Variants in UBE2QL1 observed in about 807,000 individuals in gnomAD.
UBE2QL1 encodes the protein ubiquitin-conjugating enzyme E2Q-like protein 1.
A neutral mutation model predicts 12.6 loss-of-function variants in UBE2QL1; 5 were observed. The ratio of observed to expected loss-of-function variants is 0.40; its 90% CI spans 0.21 to 0.83. UBE2QL1 has a LOEUF of 0.83. Among genes scored for constraint, UBE2QL1 ranks in the 40% least tolerant of loss-of-function variants. The pLI is 0.37. For missense variants in UBE2QL1, 99 were observed against 222.6 expected, an observed-to-expected ratio of 0.44 and a Z score of 3.53; for synonymous variants, 96 against 94.5, an observed-to-expected ratio of 1.02 and a Z score of -0.10.
chr5:6,487,856 G>C (rs567879196), intron 1 of UBE2QL1, among the ~76,000 whole-genome samples: 55 of 152,342 alleles, frequency 3.6e-4, no homozygotes, highest in Non-Finnish European at 6.3e-4. Context: ...CAGCAAGCAG[G>C]GAACACGGGA....
Position 6,481,959 on chromosome 5 carries a change from C to G in UBE2QL1, c.355-9259C>G, listed in dbSNP as rs75616436. ...CCCCAAAATAGTTGAAGTCCTACCC[C>G]CTGTGGCTGTGAATGTGACCTTATT... On this transcript the variant is annotated intron_variant, in intron 1 of 1. Coordinates refer to ENST00000399816, the MANE Select transcript of UBE2QL1 (RefSeq NM_001145161.3). The surrounding 1 kb of genome is among the most constrained non-coding windows in gnomAD (Gnocchi z 4.5). Among the ~76,000 whole-genome samples the G allele has an allele frequency of 6.6e-6, 1 of 152,206 alleles. No individual in the cohort carries two copies. The highest frequency in any genetic ancestry group is 1.5e-5 in the Non-Finnish European group (1 of 68,036).
rs1347635614 is a variant in UBE2QL1 at position 6,492,372 on chromosome 5, C to T, written c.*1023C>T. The T allele has an allele frequency of 3.3e-5, 5 of 152,282 alleles. No individual in the cohort carries two copies. Among genetic ancestry groups the T allele is most frequent in the Admixed American group, 6.5e-5 (1 of 15,294 alleles). The allele number at this position is 152,282 out of a possible 1,614,324, so 9.4% of individuals were successfully genotyped here. On this transcript the variant is annotated 3_prime_UTR_variant, in exon 2 of 2. Coordinates refer to ENST00000399816, the MANE Select transcript of UBE2QL1 (RefSeq NM_001145161.3). ...ACCCAATAGTCACTTGTGTGTCCCC[C>T]GAAATTGGGATGGGTGAGCACCCTT...
intron 1 of UBE2QL1, among the ~76,000 whole-genome samples, chr5:6,467,196 C>T (rs1253005174): frequency 6.6e-6 from 1 of 152,122 alleles, no homozygotes; most frequent in East Asian, 1.9e-4. Flanking sequence ...CTCTCCCTCC[C>T]TCTCCTCCCC....
At chr5:6,482,321 C>T (rs1460665481) in intron 1 of UBE2QL1, among the ~76,000 whole-genome samples, 4 of 152,128 alleles carry the variant, frequency 2.6e-5, no homozygotes, top group African/African-American at 9.7e-5. Context: ...TGCTGTGTTC[C>T]AGCAGGCCCA....
intron 1 of UBE2QL1, among the ~76,000 whole-genome samples, chr5:6,467,108 G>C (rs1739813389): frequency 6.6e-6 from 1 of 152,086 alleles, no homozygotes; most frequent in Admixed American, 6.5e-5. Context: ...CCTGATTGAA[G>C]ATTTCTATGC....
rs1251946913 is a variant in UBE2QL1 at position 6,476,301 on chromosome 5, C to T, written c.355-14917C>T. ...AGGCATAAAGCAGTCAACGCGGTGC[C>T]CTCAGGGCAAATGCACCAAGCATGG... On this transcript the variant is annotated intron_variant, in intron 1 of 1. Coordinates refer to ENST00000399816, the MANE Select transcript of UBE2QL1 (RefSeq NM_001145161.3). The surrounding 1 kb of genome is among the most constrained non-coding windows in gnomAD (Gnocchi z 4.9). Among the ~76,000 whole-genome samples, 1 of 152,200 alleles carries T rather than the reference C, an allele frequency of 6.6e-6. No homozygotes were observed. The highest frequency in any genetic ancestry group is 1.5e-5 in the Non-Finnish European group (1 of 68,042).
intron 1 of UBE2QL1, among the ~76,000 whole-genome samples, chr5:6,490,294 C>T (rs1734543720): frequency 6.6e-6 from 1 of 152,254 alleles, no homozygotes; most frequent in African/African-American, 2.4e-5. Flanking sequence ...CTGCTCCTCC[C>T]CTCTGATGCC....
rs1339014102 is a variant in UBE2QL1, at chr5:6,493,323, G to A, written c.*1974G>A. On this transcript the variant is annotated 3_prime_UTR_variant, in exon 2 of 2. Transcript: ENST00000399816. ...GGACAGAAACATCTTGCTAGGGAAA[G>A]CACCTGAGTTTATTCCTTTCTAAAT... 10 of 152,234 alleles carry A rather than the reference G, an allele frequency of 6.6e-5. 1 individual carries two copies. Among genetic ancestry groups the A allele is most frequent in the South Asian group, 4.1e-4 (2 of 4,828 alleles). 9.4% of individuals were successfully genotyped at this position (152,234 alleles called of 1,614,324 possible).
At chr5:6,458,621 C>A (rs905562080) in intron 1 of UBE2QL1, among the ~76,000 whole-genome samples, 2 of 151,964 alleles carry the variant, frequency 1.3e-5, no homozygotes, top group African/African-American at 4.8e-5. Context: ...AGATGTCTGT[C>A]AGGAATTGGA....
rs771837089 is a variant in UBE2QL1, at chr5:6,476,773, A to G, written c.355-14445A>G. The stretch of plus-strand genomic sequence containing the variant: ...TAATTAATGGGTTTCTTCACAGGAA[A>G]ATGTAGTTGAGATTTGTAAAAACAA... On this transcript the variant is annotated intron_variant, in intron 1 of 1. Transcript: ENST00000399816. The surrounding 1 kb of genome is among the most constrained non-coding windows in gnomAD (Gnocchi z 4.9). Among the ~76,000 whole-genome samples, 5 of 152,154 alleles carry G rather than the reference A, an allele frequency of 3.3e-5. No homozygotes were observed. Among genetic ancestry groups the G allele is most frequent in the African/African-American group, 7.2e-5 (3 of 41,426 alleles).
rs1445876861 is a variant in UBE2QL1, at chr5:6,449,211, C to T, written c.318C>T (p.Val106=). 2 of 1,472,470 alleles carry T rather than the reference C, an allele frequency of 1.4e-6. No individual in the cohort carries two copies. The highest frequency in any genetic ancestry group is 2.6e-5 in the South Asian group (2 of 77,436). 91.2% of individuals were successfully genotyped at this position (1,472,470 alleles called of 1,614,324 possible). The change falls in exon 1 of 2, where the codon GTC becomes GTT. Residue 106 remains valine, a synonymous_variant. Coordinates refer to ENST00000399816, the MANE Select transcript of UBE2QL1 (RefSeq NM_001145161.3). ...CCAGCGCCTACACCGTGGAGGCCGT[C>T]ATGCGCCAGTTCGCAGCCAGCCTGG... The part of the protein sequence containing the change: ...GWSSAYTVEA[V]MRQFAASLVK...
rs1368329089 is a variant in UBE2QL1, at chr5:6,491,387, A to G, written c.*38A>G. Reference sequence around the variant, plus strand: ...GCAGTAGACGCTCGAGCGCCTGTCCACACACACACCAGTACCCTGACATCT... The same window carrying G: ...GCAGTAGACGCTCGAGCGCCTGTCCGCACACACACCAGTACCCTGACATCT... On this transcript the variant is annotated 3_prime_UTR_variant, in exon 2 of 2. Coordinates refer to ENST00000399816, the MANE Select transcript of UBE2QL1 (RefSeq NM_001145161.3). 2 of 1,515,428 alleles carry G rather than the reference A, an allele frequency of 1.3e-6. No homozygotes were observed. The highest frequency in any genetic ancestry group is 1.4e-5 in the African/African-American group (1 of 71,980). 93.9% of individuals were successfully genotyped at this position (1,515,428 alleles called of 1,614,324 possible). A position where few individuals can be genotyped will look rare whatever the true frequency, so the allele number is the denominator to read the frequency against.
chr5:6,466,914 A>C (rs1373534612), intron 1 of UBE2QL1, among the ~76,000 whole-genome samples: 1 of 152,162 alleles, frequency 6.6e-6, no homozygotes, highest in Non-Finnish European at 1.5e-5. Context: ...AGGACGTTTG[A>C]GAGAGGTTTG....
At chr5:6,477,201 T>C (rs1400535088) in intron 1 of UBE2QL1, among the ~76,000 whole-genome samples, 1 of 152,246 alleles carries the variant, frequency 6.6e-6, no homozygotes, top group South Asian at 2.1e-4. Flanking sequence ...CAGGCCTCAC[T>C]GGGCCTCACA....
rs1734233902 is a variant in UBE2QL1, at chr5:6,476,540, TG to T, written c.355-14672del. 6.6e-6 allele frequency among the ~76,000 whole-genome samples: 1 copy of T among 152,096 alleles called. No homozygotes were observed. Among genetic ancestry groups the T allele is most frequent in the Non-Finnish European group, 1.5e-5 (1 of 68,010 alleles). On this transcript the variant is annotated intron_variant, in intron 1 of 1. Transcript: ENST00000399816. This position sits in a 1 kb window ranked among gnomAD's most constrained non-coding sequence, Gnocchi z 4.9. The stretch of plus-strand genomic sequence containing the variant: ...ACAATGACCTCAAAACGGAAACACC[TG>T]GGGGGCTCGGTTAAAGAGCCACATG...
At chr5:6,466,384 C>A (rs1739793987) in intron 1 of UBE2QL1, among the ~76,000 whole-genome samples, 1 of 152,238 alleles carries the variant, frequency 6.6e-6, no homozygotes, top group Non-Finnish European at 1.5e-5. Context: ...TCTCCCCTTC[C>A]CCACCTGAGA....
intron 1 of UBE2QL1, among the ~76,000 whole-genome samples, chr5:6,488,086 G>T (rs1007021611): frequency 2.0e-5 from 3 of 152,212 alleles, no homozygotes; most frequent in African/African-American, 7.2e-5. Flanking sequence ...CAGGAGATGC[G>T]ATGAGAGCTC....
intron 1 of UBE2QL1, among the ~76,000 whole-genome samples, chr5:6,461,533 A>G (rs1279974244): frequency 1.7e-5 from 1 of 60,476 alleles, no homozygotes; most frequent in African/African-American, 5.1e-5. Flanking sequence ...AGTGTTTTTC[A>G]GCACCCACCA....
rs556763492 is a variant in UBE2QL1 at position 6,496,569 on chromosome 5, C to T, written c.*5220C>T. Among the ~76,000 whole-genome samples the T allele has an allele frequency of 1.1e-3, 162 of 151,956 alleles. 1 individual carries two copies. The highest frequency in any genetic ancestry group is 6.4e-3 in the South Asian group (31 of 4,810). Reference sequence around the variant, plus strand: ...TGATCCTCAAAAGAAGAGAAAAAAACGCATGTGGCATAAATCAACAGGAAA... The same window carrying T: ...TGATCCTCAAAAGAAGAGAAAAAAATGCATGTGGCATAAATCAACAGGAAA... On this transcript the variant is annotated 3_prime_UTR_variant, in exon 2 of 2. Coordinates refer to ENST00000399816, the MANE Select transcript of UBE2QL1 (RefSeq NM_001145161.3).
Sources: gnomAD v4.1 joint callset for allele counts (sites outside exome capture counted in the v4.1 genomes callset) on GRCh38, gnomAD v4.1.1 for gene constraint, Gnocchi (gnomAD v3.1) non-coding constraint, MANE v1.5 for transcripts, NCBI Gene and HGNC (gene_info 2026-07-23, HGNC 2026-07-21) for gene names.